Variants in ADAMTSL3 observed in about 807,000 individuals in gnomAD.
ADAMTSL3 encodes the protein ADAMTS like 3.
In ADAMTSL3, 128 loss-of-function variants were observed where a neutral mutation model predicts 201.7. The ratio of observed to expected loss-of-function variants is 0.63; its 90% CI spans 0.55 to 0.73. ADAMTSL3 has a LOEUF of 0.73. ADAMTSL3 is among the 30% of genes least tolerant of loss of function. The pLI is 0.00. For missense variants in ADAMTSL3, 1,990 were observed against 2,119.6 expected (o/e 0.94, Z 1.20); for synonymous variants, 738 against 748.4 (o/e 0.99, Z 0.23).
At chr15:83,957,629 T>G (rs1596466294) in intron 19 of ADAMTSL3, among the ~76,000 whole-genome samples, 1 of 152,166 alleles carries the variant, frequency 6.6e-6, no homozygotes, top group East Asian at 1.9e-4. Context: ...ATTTTTGTCC[T>G]GGGAAGCTAA....
At chr15:83,665,727 A>G (rs2061239554) in intron 2 of ADAMTSL3, among the ~76,000 whole-genome samples, 1 of 152,210 alleles carries the variant, frequency 6.6e-6, no homozygotes, top group African/African-American at 2.4e-5. Context: ...CTCTCCAAGT[A>G]TTTCATGGAA....
intron 3 of ADAMTSL3, among the ~76,000 whole-genome samples, chr15:83,760,532 T>G (rs569030936): frequency 1.3e-5 from 2 of 152,296 alleles, no homozygotes; most frequent in African/African-American, 4.8e-5. Flanking sequence ...GTTTCCATAT[T>G]CTGTATCGTT....
At chr15:83,967,714 T>C (rs2067115581) in intron 19 of ADAMTSL3, among the ~76,000 whole-genome samples, 1 of 152,134 alleles carries the variant, frequency 6.6e-6, no homozygotes, top group African/African-American at 2.4e-5. Flanking sequence ...AAAAAGAGCC[T>C]GTATAGCCAA....
At chr15:83,705,814 G>A (rs1042696998) in intron 3 of ADAMTSL3, among the ~76,000 whole-genome samples, 3 of 152,322 alleles carry the variant, frequency 2.0e-5, no homozygotes, top group Admixed American at 6.5e-5. Flanking sequence ...CCTCCAGACC[G>A]CTGTGGGCAG....
chr15:83,888,001 G>A (rs958658034), intron 10 of ADAMTSL3, among the ~76,000 whole-genome samples: 35 of 152,212 alleles, frequency 2.3e-4, no homozygotes, highest in South Asian at 2.1e-4. Context: ...CTCCAGAGGA[G>A]ACATTTTATA....
intron 2 of ADAMTSL3, among the ~76,000 whole-genome samples, chr15:83,676,636 C>T (rs1567065469): frequency 6.6e-6 from 1 of 152,170 alleles, no homozygotes; most frequent in African/African-American, 2.4e-5. Flanking sequence ...GGAGATTGCA[C>T]CGCTGCACTC....
At chr15:83,899,765 G>T (rs2065687913) in intron 15 of ADAMTSL3, 34 bp downstream of exon 15, 2 of 1,594,656 alleles carry the variant, frequency 1.3e-6, no homozygotes, top group African/African-American at 2.7e-5. Context: ...AATAATCAGG[G>T]CATAGCCAGT....
At chr15:83,738,996 A>C (rs1283053139) in intron 3 of ADAMTSL3, among the ~76,000 whole-genome samples, 1 of 151,942 alleles carries the variant, frequency 6.6e-6, no homozygotes. Flanking sequence ...CATTTCAACA[A>C]AATGCAGGAT....
chr15:83,956,659 TACACACACACACCGCACAGGCACAC>T (rs2079191863), intron 19 of ADAMTSL3, among the ~76,000 whole-genome samples: 1 of 149,886 alleles, frequency 6.7e-6, no homozygotes, highest in African/African-American at 2.5e-5. Flanking sequence ...TGTTTTAAGT[TACACACACACACCGCACAGGCACAC>T]ACACACACAC....
chr15:83,953,183 C>T (rs536423888), intron 19 of ADAMTSL3, among the ~76,000 whole-genome samples: 10 of 152,070 alleles, frequency 6.6e-5, no homozygotes, highest in South Asian at 2.1e-4. Flanking sequence ...ATTTGTTTTC[C>T]GTTTGTTTTG....
intron 16 of ADAMTSL3, among the ~76,000 whole-genome samples, chr15:83,919,042 T>C (rs1391569174): frequency 6.6e-6 from 1 of 152,148 alleles, no homozygotes; most frequent in African/African-American, 2.4e-5. Flanking sequence ...AGCTGGTGAA[T>C]GCTAAATGTT....
chr15:83,960,993 A>G (rs779878704), intron 19 of ADAMTSL3, among the ~76,000 whole-genome samples: 3 of 152,294 alleles, frequency 2.0e-5, no homozygotes, highest in South Asian at 2.1e-4. Context: ...AAGTTGAGAC[A>G]GATAGGTTCT....
In ADAMTSL3 at chr15:84,037,804, T is replaced by G. The variant is rs760595924; in HGVS notation, c.5074T>G (p.Ter1692GluextTer10). The part of the protein sequence containing the change: ...QRCCQSCQEG[*>E] ...GTGCTGCCAGTCATGTCAAGAGGGA[T>G]AAACCTTTGGAGGGGTCATGATGCT... The change falls in exon 30 of 30, where the codon TAA becomes GAA. Residue 1692 changes from the stop codon to glutamate, a stop_lost. Transcript: ENST00000286744. 4 of 1,612,450 alleles carry G rather than the reference T, an allele frequency of 2.5e-6. No individual in the cohort carries two copies. Among genetic ancestry groups the G allele is most frequent in the Non-Finnish European group, 1.7e-6 (2 of 1,179,676 alleles).
intron 5 of ADAMTSL3, among the ~76,000 whole-genome samples, chr15:83,811,094 C>T (rs1162358482): frequency 6.6e-6 from 1 of 152,108 alleles, no homozygotes; most frequent in African/African-American, 2.4e-5. Context: ...ATTGTTCTCC[C>T]ACCTGGATAA....
At chr15:83,957,827 A>C (rs1023752014) in intron 19 of ADAMTSL3, among the ~76,000 whole-genome samples, 1 of 152,222 alleles carries the variant, frequency 6.6e-6, no homozygotes, top group African/African-American at 2.4e-5. Context: ...AATCATCAAC[A>C]CATATGTGGT....
intron 19 of ADAMTSL3, among the ~76,000 whole-genome samples, chr15:83,959,578 A>T (rs2142088691): frequency 6.6e-6 from 1 of 152,350 alleles, no homozygotes; most frequent in South Asian, 2.1e-4. Context: ...GAAGGAAAGA[A>T]AGTGTGAGCC....
chr15:83,893,658 G>C (rs1195380470), intron 13 of ADAMTSL3, among the ~76,000 whole-genome samples: 2 of 152,128 alleles, frequency 1.3e-5, no homozygotes. Context: ...AATCATCCGT[G>C]GGGTCAAGTT....
rs1339723937 is a variant in ADAMTSL3 at position 83,819,870 on chromosome 15, C to G, written c.423C>G (p.Val141=). The G allele has an allele frequency of 6.8e-6, 11 of 1,614,096 alleles. No individual in the cohort carries two copies. The highest frequency in any genetic ancestry group is 8.5e-6 in the Non-Finnish European group (10 of 1,180,028). Residue 141 remains valine, a synonymous_variant, in exon 6 of 30, where the codon GTC becomes GTG. Coordinates refer to ENST00000286744, the MANE Select transcript of ADAMTSL3 (RefSeq NM_207517.3). ...RAQQCSAYND[V]QYQGHYYEWL... ...AGCAGTGCTCAGCCTACAATGATGT[C>G]CAGTATCAGGGGCATTACTATGAAT...
At chr15:83,984,803 A>C (rs186852375) in intron 21 of ADAMTSL3, among the ~76,000 whole-genome samples, 1 of 152,346 alleles carries the variant, frequency 6.6e-6, no homozygotes. Context: ...ATAATAAAAG[A>C]AGACAGCTGG....
Sources: allele counts gnomAD v4.1 joint callset (sites outside exome capture counted in the v4.1 genomes callset), GRCh38; gene constraint gnomAD v4.1.1; transcripts MANE v1.5; gene names NCBI Gene and HGNC (gene_info 2026-07-23, HGNC 2026-07-21).